Variants in LRP2 observed in about 807,000 individuals in gnomAD.
LRP2 encodes low-density lipoprotein receptor-related protein 2.
LRP2 carries 172 observed loss-of-function variants against 531.0 expected under a neutral mutation model. That is an observed-to-expected ratio of 0.32 (90% CI 0.29 to 0.37). The LOEUF is 0.37. Ranked by LOEUF, LRP2 falls within the 10% of genes least tolerant of loss-of-function variation. LRP2 has a pLI of 1.00. For synonymous variants in LRP2, 1,992 were observed against 2,027.6 expected (o/e 0.98, Z 0.47); for missense variants, 5,167 against 5,868.3 (o/e 0.88, Z 3.90).
intron 1 of LRP2, among the ~76,000 whole-genome samples, chr2:169,331,311 T>C (rs1033767625): frequency 6.6e-6 from 1 of 152,168 alleles, no homozygotes; most frequent in Non-Finnish European, 1.5e-5. Context: ...AAATTAAAAA[T>C]ATAAATTGAC....
chr2:169,159,450 T>C (rs1427784190), intron 63 of LRP2, among the ~76,000 whole-genome samples: 1 of 152,180 alleles, frequency 6.6e-6, no homozygotes, highest in African/African-American at 2.4e-5. Context: ...AATGGAATGC[T>C]GCCCTTGGAG....
chr2:169,242,852 C>T (rs1689857775), intron 24 of LRP2, 104 bp downstream of exon 24: 3 of 853,130 alleles, frequency 3.5e-6, no homozygotes, highest in Non-Finnish European at 6.2e-6. Flanking sequence ...ATACTTTCCC[C>T]CAGTTTGTCT....
Position 169,206,766 on chromosome 2 carries a change from G to C in LRP2, c.6954C>G (p.Asp2318Glu). The C allele has an allele frequency of 3.1e-6, 5 of 1,614,124 alleles. No homozygotes were observed. Among genetic ancestry groups the C allele is most frequent in the Non-Finnish European group, 4.2e-6 (5 of 1,180,018 alleles). ...ENTEPPTVIRDNINWLRDVTI... is the reference protein window; with the variant it reads ...ENTEPPTVIRENINWLRDVTI... ...TCACATCTCTTAGCCAGTTGATATT[G>C]TCTCTTATCACTGTGGGTGGCTCTG... Residue 2318 changes from aspartate to glutamate, a missense_variant, in exon 39 of 79, where the codon GAC becomes GAG. By Grantham distance (45) the Asp-to-Glu change is conservative (BLOSUM62 2). Transcript: ENST00000649046.
At chr2:169,354,812 T>C (rs1054334745) in intron 1 of LRP2, among the ~76,000 whole-genome samples, 2 of 152,310 alleles carry the variant, frequency 1.3e-5, no homozygotes, top group East Asian at 1.9e-4. Flanking sequence ...AAGAAGTCCA[T>C]AGATGAAGTG....
At chr2:169,308,567 G>T (rs1322455998) in intron 3 of LRP2, among the ~76,000 whole-genome samples, 2 of 152,118 alleles carry the variant, frequency 1.3e-5, no homozygotes, top group African/African-American at 4.8e-5. Context: ...CTTTTTTACG[G>T]CTGCATAGTA....
rs12988055 is a variant in LRP2, at chr2:169,143,129, A to C, written c.12989-336T>G. On this transcript the variant is annotated intron_variant, in intron 70 of 78. Coordinates refer to ENST00000649046, the MANE Select transcript of LRP2 (RefSeq NM_004525.3). ...AATCTACTCAGTGCTAAACAACTTG[A>C]GATGGTTCAAAAGACCAGTGAGATC... Among the ~76,000 whole-genome samples, 4,361 of 152,220 alleles carry C rather than the reference A, an allele frequency of 0.029. 83 individuals carry two copies. The highest frequency in any genetic ancestry group is 0.042 in the Non-Finnish European group (2,870 of 68,008).
chr2:169,247,080 C>T (rs1690038498), intron 20 of LRP2, 94 bp from the exon 21 acceptor site: 2 of 1,415,262 alleles, frequency 1.4e-6, no homozygotes, highest in African/African-American at 2.8e-5. Flanking sequence ...CAGGACAAAA[C>T]ATTTTTCAGA....
intron 16 of LRP2, among the ~76,000 whole-genome samples, chr2:169,268,201 C>A (rs1683286115): frequency 6.6e-6 from 1 of 152,280 alleles, no homozygotes; most frequent in East Asian, 1.9e-4. Context: ...GGTTCCATTC[C>A]TTCTGAAACT....
At chr2:169,171,977 TG>T in intron 58 of LRP2, 37 bp downstream of exon 58, 1 of 1,613,268 alleles carries the variant, frequency 6.2e-7, no homozygotes, top group Non-Finnish European at 8.5e-7. Context: ...ATCACAGCTC[TG>T]GTGGTATATA....
chr2:169,247,047 T>A, intron 20 of LRP2, 61 bp from the exon 21 acceptor site: 1 of 1,585,536 alleles, frequency 6.3e-7, no homozygotes, highest in African/African-American at 1.3e-5. Context: ...AGGTCACGGG[T>A]TTGATTTGTG....
At chr2:169,152,125 T>C (rs758977831) in intron 67 of LRP2, among the ~76,000 whole-genome samples, 10 of 152,184 alleles carry the variant, frequency 6.6e-5, no homozygotes, top group Non-Finnish European at 1.2e-4. Context: ...CCACATCCAT[T>C]TGTACCTCAC....
intron 70 of LRP2, among the ~76,000 whole-genome samples, chr2:169,145,262 T>A (rs191139531): frequency 6.6e-6 from 1 of 152,082 alleles, no homozygotes. Flanking sequence ...GGCCCAGAAG[T>A]GGGAAAGTGA....
chr2:169,274,736 G>C (rs1228928195), intron 14 of LRP2, among the ~76,000 whole-genome samples: 1 of 152,096 alleles, frequency 6.6e-6, no homozygotes, highest in Non-Finnish European at 1.5e-5. Flanking sequence ...AGGTATTTTG[G>C]TTTGGTTTGT....
At position 169,199,024 on chromosome 2, in the gene LRP2, T is replaced by C. The variant is rs1030877021; in HGVS notation, c.8453-113A>G. On this transcript the variant is annotated intron_variant, in intron 44 of 78. Transcript: ENST00000649046. ...AACTCAAACCACTGGAAGGGCGGCA[T>C]TTTCAAAGCCATCAGAAAGGCAGGA... 3 of 1,069,798 alleles carry C rather than the reference T, an allele frequency of 2.8e-6. No homozygotes were observed. The African/African-American group carries it at 4.8e-5, about 17-fold the overall frequency. The allele number at this position is 1,069,798 out of a possible 1,614,324, so 66.3% of individuals were successfully genotyped here. A position where few individuals can be genotyped will look rare whatever the true frequency, so the allele number is the denominator to read the frequency against.
At chr2:169,238,372 T>C (rs543491625) in intron 26 of LRP2, 70 bp from the exon 27 acceptor site, 7 of 1,095,926 alleles carry the variant, frequency 6.4e-6, no homozygotes, top group Non-Finnish European at 8.3e-6. Flanking sequence ...TTTAAAACTT[T>C]TGATTCAATA....
At chr2:169,146,006 G>T in intron 69 of LRP2, 83 bp from the exon 70 acceptor site, 1 of 1,224,212 alleles carries the variant, frequency 8.2e-7, no homozygotes, top group Non-Finnish European at 1.2e-6. Context: ...TTCTAGATCT[G>T]ATGTCATTCT....
At chr2:169,271,240 T>C in intron 15 of LRP2, 133 bp from the exon 16 acceptor site, 1 of 640,990 alleles carries the variant, frequency 1.6e-6, no homozygotes, top group Non-Finnish European at 2.7e-6. Flanking sequence ...TAAAAATAAA[T>C]TTTTGGAAAG....
intron 67 of LRP2, among the ~76,000 whole-genome samples, chr2:169,151,272 G>T (rs559629998): frequency 1.2e-4 from 19 of 152,256 alleles, no homozygotes; most frequent in African/African-American, 4.6e-4. Flanking sequence ...AATCACGCAG[G>T]ATCCACAATG....
At chr2:169,326,111 G>A (rs935538554) in intron 1 of LRP2, among the ~76,000 whole-genome samples, 10 of 138,860 alleles carry the variant, frequency 7.2e-5, no homozygotes, top group African/African-American at 2.5e-4. Context: ...AGAAAAATAA[G>A]ATATGGTCCT....
Sources: allele counts gnomAD v4.1 joint callset (sites outside exome capture counted in the v4.1 genomes callset), GRCh38; gene constraint gnomAD v4.1.1; transcripts MANE v1.5; gene names NCBI Gene and HGNC (gene_info 2026-07-23, HGNC 2026-07-21).